BCAS3: variants seen among roughly 807,000 people sequenced by gnomAD.
The protein encoded by BCAS3 is BCAS4/BCAS3 fusion.
In BCAS3, 53 loss-of-function variants were observed where a neutral mutation model predicts 116.1. That is an observed-to-expected ratio of 0.46 (90% CI 0.37 to 0.57). BCAS3 has a LOEUF of 0.57. BCAS3 is among the 20% of genes least tolerant of loss of function. BCAS3 has a pLI of 0.00. For synonymous variants in BCAS3, 391 were observed against 408.2 expected (o/e 0.96, Z 0.51); for missense variants, 917 against 1,165.4 (o/e 0.79, Z 3.10).
At chr17:60,874,361 C>T (rs1201079330) in intron 8 of BCAS3, among the ~76,000 whole-genome samples, 1 of 152,198 alleles carries the variant, frequency 6.6e-6, no homozygotes, top group African/African-American at 2.4e-5. Flanking sequence ...CATGAGCCAC[C>T]ATGCCTGGCT....
intron 19 of BCAS3, among the ~76,000 whole-genome samples, chr17:61,059,227 C>T (rs374705262): frequency 2.0e-5 from 3 of 151,548 alleles, no homozygotes; most frequent in East Asian, 1.9e-4. Flanking sequence ...GGACTACAGG[C>T]GCCCGCCATC....
rs938225083 is a variant in BCAS3, at chr17:60,961,047, C to T, written c.1221+13695C>T. ...CTCCTGGCCTTCAGAGCACATTTTCCCAACCATGAAACTCCTCATAGTAAC... is the reference window on the plus strand; with the variant it reads ...CTCCTGGCCTTCAGAGCACATTTTCTCAACCATGAAACTCCTCATAGTAAC... On this transcript the variant is annotated intron_variant, in intron 14 of 23. Transcript: ENST00000407086. This position sits in a 1 kb window ranked among gnomAD's most constrained non-coding sequence, Gnocchi z 4.8. Among the ~76,000 whole-genome samples the T allele has an allele frequency of 2.0e-5, 3 of 152,032 alleles. No individual in the cohort carries two copies. Among genetic ancestry groups the T allele is most frequent in the Non-Finnish European group, 4.4e-5 (3 of 68,020 alleles).
At position 61,128,328 on chromosome 17, in the gene BCAS3, A is replaced by G. The variant is rs1372669229; in HGVS notation, c.2425+43764A>G. The G allele has an allele frequency of 1.1e-5, 11 of 985,442 alleles. No individual in the cohort carries two copies. Among genetic ancestry groups the G allele is most frequent in the Non-Finnish European group, 1.2e-5 (10 of 829,934 alleles). The allele number at this position is 985,442 out of a possible 1,614,324, so 61.0% of individuals were successfully genotyped here. On this transcript the variant is annotated intron_variant, in intron 22 of 23. Transcript: ENST00000407086. This position sits in a 1 kb window ranked among gnomAD's most constrained non-coding sequence, Gnocchi z 4.1. ...AGAGGAGAGACTTAGTGAAATATGC[A>G]GAGCTCCATTCCAGTTCCTTTCTTA...
rs73991500 is a variant in BCAS3, at chr17:61,158,809, G to A, written c.2425+74245G>A. Among the ~76,000 whole-genome samples the A allele has an allele frequency of 5.7e-3, 873 of 152,172 alleles. 12 individuals carry two copies. The highest frequency in any genetic ancestry group is 0.019 in the African/African-American group (800 of 41,538). On this transcript the variant is annotated intron_variant, in intron 22 of 23. Coordinates refer to ENST00000407086, the MANE Select transcript of BCAS3 (RefSeq NM_017679.5). ...ATAAAGGTCTTTAAAGATACTAACC[G>A]AAATGCAAAAATTAGCAGATAACAA...
At chr17:60,910,776 G>T (rs1340211328) in intron 12 of BCAS3, 74 bp downstream of exon 12, 1 of 1,335,630 alleles carries the variant, frequency 7.5e-7, no homozygotes, top group African/African-American at 1.5e-5. Context: ...TAGTCAAAAT[G>T]TATTTGGCCT....
intron 22 of BCAS3, among the ~76,000 whole-genome samples, chr17:61,253,537 G>T (rs940921862): frequency 6.6e-6 from 1 of 152,004 alleles, no homozygotes; most frequent in African/African-American, 2.4e-5. Context: ...TATTTCTACA[G>T]TTGCTACATC....
chr17:61,024,642 C>T (rs747867267), intron 16 of BCAS3, among the ~76,000 whole-genome samples: 1 of 140,502 alleles, frequency 7.1e-6, no homozygotes. Context: ...AGGAAAATCT[C>T]GAGGTTTTTT....
chr17:60,959,816 G>A (rs998324923), intron 14 of BCAS3, among the ~76,000 whole-genome samples: 1 of 152,166 alleles, frequency 6.6e-6, no homozygotes, highest in African/African-American at 2.4e-5. Context: ...AAGCAAGGCT[G>A]CACTTCCTTT....
chr17:60,946,136 A>C (rs1010982703), intron 13 of BCAS3, among the ~76,000 whole-genome samples: 1 of 152,166 alleles, frequency 6.6e-6, no homozygotes, highest in African/African-American at 2.4e-5. Flanking sequence ...ATAGGCCTAC[A>C]CAAATAGCCA....
In BCAS3 at chr17:60,910,686, C is replaced by T. The variant is rs781607379; in HGVS notation, c.977C>T (p.Thr326Ile). The T allele has an allele frequency of 6.2e-7, 1 of 1,606,758 alleles. No homozygotes were observed. Among genetic ancestry groups the T allele is most frequent in the African/African-American group, 1.3e-5 (1 of 74,460 alleles). The change falls in exon 12 of 24, where the codon ACC becomes ATC. Residue 326 changes from threonine (T) to isoleucine (I), a missense_variant. Around this residue, in one of 3 missense-constraint regions of BCAS3, gnomAD observed 807 missense variants for 1,026.0 expected, o/e 0.79. Coordinates refer to ENST00000407086, the MANE Select transcript of BCAS3 (RefSeq NM_017679.5). Reference protein sequence around the residue: ...PGIITVIDTETVGEGQVLVSE... With the variant: ...PGIITVIDTEIVGEGQVLVSE... ...ATCATCACAGTTATTGACACCGAAA[C>T]CGTTGGAGAGGGCCAGGTAAGAAGA...
chr17:61,116,550 T>A (rs2075469367), intron 22 of BCAS3, among the ~76,000 whole-genome samples: 1 of 152,216 alleles, frequency 6.6e-6, no homozygotes, highest in Non-Finnish European at 1.5e-5. Context: ...AAGAAAAGCT[T>A]ATAGTATTTA....
chr17:60,743,165 G>A (rs564568029), intron 5 of BCAS3, among the ~76,000 whole-genome samples: 35 of 151,288 alleles, frequency 2.3e-4, no homozygotes, highest in African/African-American at 7.8e-4. Flanking sequence ...AATCTATATA[G>A]CAATACATAT....
chr17:60,688,956 T>C (rs1323483838), intron 3 of BCAS3: 1 of 152,172 alleles, frequency 6.6e-6, no homozygotes, highest in African/African-American at 2.4e-5. Context: ...GCTGATAGGT[T>C]GGGTCTAGAA....
rs1330595216 is a variant in BCAS3 at position 60,960,416 on chromosome 17, A to G, written c.1221+13064A>G. Among the ~76,000 whole-genome samples the G allele has an allele frequency of 3.3e-5, 5 of 152,216 alleles. No individual in the cohort carries two copies. The highest frequency in any genetic ancestry group is 7.3e-5 in the Non-Finnish European group (5 of 68,028). ...AATAAAAGTTACCTCCTGCCAAAAT[A>G]CAGTAGTAGGATATGCGTAGGATAG... On this transcript the variant is annotated intron_variant, in intron 14 of 23. Transcript: ENST00000407086. The surrounding 1 kb of genome is among the most constrained non-coding windows in gnomAD (Gnocchi z 4.1).
At chr17:60,959,610 C>T (rs2061316882) in intron 14 of BCAS3, among the ~76,000 whole-genome samples, 1 of 152,080 alleles carries the variant, frequency 6.6e-6, no homozygotes, top group African/African-American at 2.4e-5. Flanking sequence ...ATGTACTTAC[C>T]ATAGAACCCA....
chr17:61,306,632 TG>T (rs2053876241), intron 22 of BCAS3, among the ~76,000 whole-genome samples: 1 of 151,940 alleles, frequency 6.6e-6, no homozygotes, highest in Non-Finnish European at 1.5e-5. Context: ...ATAAATTAGC[TG>T]GGCATGGTGG....
intron 22 of BCAS3, among the ~76,000 whole-genome samples, chr17:61,201,651 C>G (rs1042416177): frequency 2.0e-5 from 3 of 152,124 alleles, no homozygotes; most frequent in Admixed American, 2.0e-4. Flanking sequence ...GTACCATGAC[C>G]CCCTTCGTGA....
In BCAS3 at chr17:61,151,881, C is replaced by G. The variant is rs182694439; in HGVS notation, c.2425+67317C>G. On this transcript the variant is annotated intron_variant, in intron 22 of 23. Coordinates refer to ENST00000407086, the MANE Select transcript of BCAS3 (RefSeq NM_017679.5). The surrounding 1 kb of genome is among the most constrained non-coding windows in gnomAD (Gnocchi z 4.8). ...ACTCCTCCTGCAAACGTGAATGTTC[C>G]TAAAATGCACCAGACTTACTATAAG... Among the ~76,000 whole-genome samples, 469 of 152,280 alleles carry G rather than the reference C, an allele frequency of 3.1e-3. No individual in the cohort carries two copies. Among genetic ancestry groups the G allele is most frequent in the Non-Finnish European group, 5.1e-3 (346 of 68,020 alleles).
At chr17:60,860,916 G>C (rs1422440258) in intron 7 of BCAS3, among the ~76,000 whole-genome samples, 1 of 152,196 alleles carries the variant, frequency 6.6e-6, no homozygotes, top group African/African-American at 2.4e-5. Context: ...TTGAAGTCAA[G>C]TAGTGTAATG....
Sources: allele counts gnomAD v4.1 joint callset (sites outside exome capture counted in the v4.1 genomes callset), GRCh38; gene constraint gnomAD v4.1.1; regional missense constraint gnomAD v4.1.1; non-coding constraint Gnocchi (gnomAD v3.1); transcripts MANE v1.5; gene names NCBI Gene and HGNC (gene_info 2026-07-23, HGNC 2026-07-21).